Variants in DCAF5 observed in about 807,000 individuals in gnomAD.
DCAF5 encodes DDB1 and CUL4 associated factor 5, also known as DDB1- and CUL4-associated factor 5.
A neutral mutation model predicts 80.7 loss-of-function variants in DCAF5; 9 were observed. That is an observed-to-expected ratio of 0.11 (90% CI 0.07 to 0.19). DCAF5 has a LOEUF of 0.19. DCAF5 is among the 10% of genes least tolerant of loss of function. The pLI, the probability that DCAF5 is intolerant of heterozygous loss-of-function variation, is 1.00. For synonymous variants in DCAF5, 433 were observed against 461.9 expected (o/e 0.94, Z 0.80); for missense variants, 842 against 1,205.7 (o/e 0.70, Z 4.47).
intron 1 of DCAF5, among the ~76,000 whole-genome samples, chr14:69,137,056 A>G (rs528502631): frequency 6.6e-6 from 1 of 152,154 alleles, no homozygotes; most frequent in African/African-American, 2.4e-5. Context: ...TTAAATATCT[A>G]TTTTCCAAAT....
intron 6 of DCAF5, among the ~76,000 whole-genome samples, chr14:69,085,830 C>T (rs2039295619): frequency 6.6e-6 from 1 of 152,226 alleles, no homozygotes; most frequent in South Asian, 2.1e-4. Flanking sequence ...AGGAATTCCT[C>T]TGCCACGACA....
chr14:69,109,338 CAAA>C (rs199758443), intron 5 of DCAF5, among the ~76,000 whole-genome samples: 3 of 99,982 alleles, frequency 3.0e-5, no homozygotes, highest in Admixed American at 1.1e-4. Flanking sequence ...AACTCTGCCT[CAAA>C]AAAAAAAAAA....
At chr14:69,087,144 A>G (rs963797795) in intron 6 of DCAF5, among the ~76,000 whole-genome samples, 1 of 152,244 alleles carries the variant, frequency 6.6e-6, no homozygotes, top group Non-Finnish European at 1.5e-5. Context: ...CTAGGACAAG[A>G]GCCATTTAAG....
intron 6 of DCAF5, among the ~76,000 whole-genome samples, chr14:69,086,185 C>T (rs906623799): frequency 1.3e-5 from 2 of 152,084 alleles, no homozygotes; most frequent in Non-Finnish European, 2.9e-5. Context: ...GACAAAACCC[C>T]GCCTCTACTA....
intron 5 of DCAF5, among the ~76,000 whole-genome samples, chr14:69,105,834 G>A (rs1354040151): frequency 7.0e-6 from 1 of 143,230 alleles, no homozygotes; most frequent in Non-Finnish European, 1.5e-5. Flanking sequence ...CACTCTACTG[G>A]CTTTTCCCAT....
At chr14:69,097,588 T>A (rs200613077) in intron 5 of DCAF5, among the ~76,000 whole-genome samples, 27,136 of 111,180 alleles carry the variant, frequency 0.24, 2,497 homozygotes, top group Middle Eastern at 0.29. Context: ...TATTATTTTT[T>A]TTTTTTTTTT....
chr14:69,059,420 A>T (rs1349108878), intron 8 of DCAF5, among the ~76,000 whole-genome samples: 1 of 152,164 alleles, frequency 6.6e-6, no homozygotes, highest in Non-Finnish European at 1.5e-5. Context: ...ACGCTCTTTG[A>T]GCCACTGATC....
At chr14:69,126,111 C>T (rs2040864259) in intron 1 of DCAF5, among the ~76,000 whole-genome samples, 1 of 150,078 alleles carries the variant, frequency 6.7e-6, no homozygotes, top group East Asian at 1.9e-4. Context: ...AATTATAAAA[C>T]TCTAATGAAC....
chr14:69,072,965 T>A (rs2038755612), intron 7 of DCAF5, among the ~76,000 whole-genome samples: 1 of 152,188 alleles, frequency 6.6e-6, no homozygotes, highest in Non-Finnish European at 1.5e-5. Context: ...TGGAAAGTAT[T>A]AACAGATCAT....
In DCAF5 at chr14:69,055,423, T is replaced by C; in HGVS notation, c.1263A>G (p.Ser421=). 1.2e-6 allele frequency: 2 copies of C among 1,614,110 alleles called. No individual in the cohort carries two copies. Among genetic ancestry groups the C allele is most frequent in the Admixed American group, 3.3e-5 (2 of 60,024 alleles). Residue 421 remains serine, a synonymous_variant, in exon 9 of 9, where the codon TCA becomes TCG. Coordinates refer to ENST00000341516, the MANE Select transcript of DCAF5 (RefSeq NM_003861.3). This position sits in a 1 kb window ranked among gnomAD's most constrained non-coding sequence, Gnocchi z 5.6. ...EDPRMMAFFD[S]LVRREIEGWS... is the part of the protein sequence containing the mutation. ...AGCCCTCGATCTCTCGGCGTACCAG[T>C]GAGTCAAAGAAGGCCATCATCCGGG...
intron 6 of DCAF5, chr14:69,089,149 G>C (rs12435594): frequency 0.31 from 46,525 of 152,540 alleles, 9,464 homozygotes; most frequent in East Asian, 0.91. Context: ...TTTACAGTTA[G>C]AGAAGACTTA....
In DCAF5 at chr14:69,052,392, G is replaced by A. The variant is rs929093474; in HGVS notation, c.*1465C>T. 1 of 152,648 alleles carries A rather than the reference G, an allele frequency of 6.6e-6. No homozygotes were observed. Among genetic ancestry groups the A allele is most frequent in the Non-Finnish European group, 1.5e-5 (1 of 68,048 alleles). 9.5% of individuals were successfully genotyped at this position (152,648 alleles called of 1,614,324 possible). A position where few individuals can be genotyped will look rare whatever the true frequency, so the allele number is the denominator to read the frequency against. On this transcript the variant is annotated 3_prime_UTR_variant, in exon 9 of 9. Coordinates refer to ENST00000341516, the MANE Select transcript of DCAF5 (RefSeq NM_003861.3). ...GCCCTCCCTACACCAATCCCAGCTG[G>A]GCTCCTAGTTGTCTAGCACCTTTGC...
chr14:69,090,940 C>T (rs2039510100), intron 6 of DCAF5: 2 of 611,262 alleles, frequency 3.3e-6, no homozygotes, highest in Non-Finnish European at 5.9e-6. Flanking sequence ...TTAGATTTGT[C>T]TTTCTTCCCA....
chr14:69,055,000 G>A lies in DCAF5; in HGVS notation c.1686C>T (p.Ser562=). ...SPSPEDESSS[S]SSSSSSEDEE... ...CATCCTCAGAGCTGCTAGAGCTGCT[G>A]GAACTGCTGGATTCATCTTCGGGGC... Residue 562 remains serine, a synonymous_variant, in exon 9 of 9, where the codon TCC becomes TCT. Transcript: ENST00000341516. 2 of 1,614,240 alleles carry A rather than the reference G, an allele frequency of 1.2e-6. No homozygotes were observed. Among genetic ancestry groups the A allele is most frequent in the Non-Finnish European group, 1.7e-6 (2 of 1,180,042 alleles).
chr14:69,089,669 T>C (rs935193383), intron 6 of DCAF5: 3 of 152,358 alleles, frequency 2.0e-5, no homozygotes, highest in African/African-American at 7.2e-5. Context: ...GCTCTGCCTA[T>C]GACAATACCT....
chr14:69,087,983 T>G (rs1456316427), intron 6 of DCAF5, among the ~76,000 whole-genome samples: 1 of 152,214 alleles, frequency 6.6e-6, no homozygotes, highest in East Asian at 1.9e-4. Flanking sequence ...AAGTATGAAT[T>G]TGTTGTAATA....
intron 6 of DCAF5, chr14:69,090,126 C>T (rs2039479914): frequency 1.0e-6 from 1 of 984,494 alleles, no homozygotes; most frequent in Admixed American, 6.2e-5. Context: ...ACAAGAATTA[C>T]ATGCATAAGA....
intron 1 of DCAF5, among the ~76,000 whole-genome samples, chr14:69,151,210 G>T (rs187135448): frequency 6.6e-6 from 1 of 152,068 alleles, no homozygotes; most frequent in Non-Finnish European, 1.5e-5. Context: ...GAAAGATCAG[G>T]TTTCTTCAGA....
intron 1 of DCAF5, among the ~76,000 whole-genome samples, chr14:69,151,507 C>A (rs969107315): frequency 1.3e-5 from 2 of 152,306 alleles, no homozygotes; most frequent in South Asian, 2.1e-4. Context: ...CCACGTCCAG[C>A]GCTGGGTTCC....
Sources: gnomAD v4.1 joint callset for allele counts (sites outside exome capture counted in the v4.1 genomes callset) on GRCh38, gnomAD v4.1.1 for gene constraint, Gnocchi (gnomAD v3.1) non-coding constraint, MANE v1.5 for transcripts, NCBI Gene and HGNC (gene_info 2026-07-23, HGNC 2026-07-21) for gene names.